The following FAM222B variants were observed in gnomAD, a reference collection of about 807,000 sequenced individuals.
FAM222B encodes the protein family with sequence similarity 222 member B, also known as protein FAM222B.
A neutral mutation model predicts 38.0 loss-of-function variants in FAM222B; 12 were observed. The ratio of observed to expected loss-of-function variants is 0.32; its 90% confidence interval spans 0.20 to 0.51. FAM222B has a LOEUF of 0.51. Ranked by LOEUF, FAM222B falls within the 20% of genes least tolerant of loss-of-function variation. FAM222B has a pLI of 0.97. For synonymous variants in FAM222B, 329 were observed against 317.2 expected (o/e 1.04, Z -0.40); for missense variants, 716 against 754.2 (o/e 0.95, Z 0.59).
At chr17:28,809,273 C>G (rs1428448519) in intron 1 of FAM222B, among the ~76,000 whole-genome samples, 1 of 151,650 alleles carries the variant, frequency 6.6e-6, no homozygotes, top group African/African-American at 2.4e-5. Flanking sequence ...ACTGCTTGAA[C>G]CTGGGAAGCA....
intron 1 of FAM222B, among the ~76,000 whole-genome samples, chr17:28,803,136 G>A (rs2037318169): frequency 6.6e-6 from 1 of 151,936 alleles, no homozygotes; most frequent in Non-Finnish European, 1.5e-5. Flanking sequence ...AGCCTCCTGA[G>A]TAACTGGGAT....
intron 1 of FAM222B, among the ~76,000 whole-genome samples, chr17:28,835,861 G>C (rs1361083951): frequency 6.6e-6 from 1 of 151,866 alleles, no homozygotes; most frequent in Non-Finnish European, 1.5e-5. Context: ...TTTTTGTAAA[G>C]AGAGGGTTTC....
chr17:28,792,617 C>T (rs1369846951), intron 1 of FAM222B, among the ~76,000 whole-genome samples: 2 of 150,898 alleles, frequency 1.3e-5, no homozygotes, highest in Non-Finnish European at 3.0e-5. Flanking sequence ...CCCATCTCTA[C>T]GAAAAATACA....
chr17:28,759,785 A>C lies in FAM222B; in HGVS notation c.174T>G (p.Thr58=), dbSNP rs377055691. The C allele has an allele frequency of 6.2e-7, 1 of 1,612,350 alleles. No individual in the cohort carries two copies. The highest frequency in any genetic ancestry group is 1.3e-5 in the African/African-American group (1 of 74,872). The part of the protein sequence containing the change: ...YAKKVANNPL[T]IKIFPNSVKV... Reference sequence around the variant, plus strand: ...TCACACTGTTGGGGAAGATTTTTATAGTCAGTGGGTTGTTTGCGACCTTCT... The same window carrying C: ...TCACACTGTTGGGGAAGATTTTTATCGTCAGTGGGTTGTTTGCGACCTTCT... Residue 58 remains threonine (T), a synonymous_variant, in exon 3 of 3, where the codon ACT becomes ACG. Coordinates refer to ENST00000581407, the MANE Select transcript of FAM222B (RefSeq NM_001077498.3). The surrounding 1 kb of genome is among the most constrained non-coding windows in gnomAD (Gnocchi z 4.8).
chr17:28,811,436 C>T (rs1457809609), intron 1 of FAM222B, among the ~76,000 whole-genome samples: 1 of 151,990 alleles, frequency 6.6e-6, no homozygotes, highest in Non-Finnish European at 1.5e-5. Flanking sequence ...CGAGACTCGT[C>T]TCAAAAAACA....
intron 1 of FAM222B, among the ~76,000 whole-genome samples, chr17:28,768,588 G>A (rs2035452129): frequency 6.6e-6 from 1 of 152,010 alleles, no homozygotes; most frequent in South Asian, 2.1e-4. Flanking sequence ...TGTAATCCCA[G>A]CACTTTGGGA....
Position 28,805,957 on chromosome 17 carries a change from C to T in FAM222B, c.-41+36725G>A, listed in dbSNP as rs565937625. On this transcript the variant is annotated intron_variant, in intron 1 of 2. Coordinates refer to ENST00000581407, the MANE Select transcript of FAM222B (RefSeq NM_001077498.3). The stretch of plus-strand genomic sequence containing the variant: ...GGGAGTTCGAGACCAGCCTGACCAA[C>T]ATGGAGAAACCCCATCTCTACTAAA... 3.5e-3 allele frequency among the ~76,000 whole-genome samples: 538 copies of T among 152,220 alleles called. 2 individuals carry two copies. Among genetic ancestry groups the T allele is most frequent in the South Asian group, 7.3e-3 (35 of 4,818 alleles).
chr17:28,807,416 C>T (rs1167667282), intron 1 of FAM222B, among the ~76,000 whole-genome samples: 4 of 150,962 alleles, frequency 2.6e-5, no homozygotes, highest in African/African-American at 9.8e-5. Flanking sequence ...TGTGGAGTCT[C>T]ACTCTGTCAC....
chr17:28,829,193 C>G (rs1426076646), intron 1 of FAM222B, among the ~76,000 whole-genome samples: 4 of 141,974 alleles, frequency 2.8e-5, no homozygotes, highest in Admixed American at 1.4e-4. Flanking sequence ...CGTGAGCCAT[C>G]ACGCTTGGCC....
chr17:28,756,954 A>G lies in FAM222B; in HGVS notation c.*1316T>C, dbSNP rs1272324787. 6.6e-6 allele frequency: 1 copy of G among 152,434 alleles called. No individual in the cohort carries two copies. Among genetic ancestry groups the G allele is most frequent in the African/African-American group, 2.4e-5 (1 of 41,470 alleles). 9.4% of individuals were successfully genotyped at this position (152,434 alleles called of 1,614,324 possible). Reference sequence around the variant, plus strand: ...CATCTGTAAAAAATAAAAAAGCCCAATTCTGCATCTTTAACAGAATGGTGC... The same window carrying G: ...CATCTGTAAAAAATAAAAAAGCCCAGTTCTGCATCTTTAACAGAATGGTGC... On this transcript the variant is annotated 3_prime_UTR_variant, in exon 3 of 3. Coordinates refer to ENST00000581407, the MANE Select transcript of FAM222B (RefSeq NM_001077498.3).
chr17:28,842,311 TCC>T (rs2039069497), intron 1 of FAM222B, among the ~76,000 whole-genome samples: 1 of 152,010 alleles, frequency 6.6e-6, no homozygotes, highest in Non-Finnish European at 1.5e-5. Context: ...GACCGACCCT[TCC>T]CCTGCCTGGT....
intron 1 of FAM222B, among the ~76,000 whole-genome samples, chr17:28,800,321 A>G (rs1233775288): frequency 1.3e-5 from 2 of 152,120 alleles, no homozygotes; most frequent in Non-Finnish European, 2.9e-5. Context: ...GAGCCACCGC[A>G]CCCGGCCTAT....
chr17:28,784,181 A>C (rs2036289173), intron 1 of FAM222B, among the ~76,000 whole-genome samples: 1 of 151,516 alleles, frequency 6.6e-6, no homozygotes, highest in African/African-American at 2.4e-5. Flanking sequence ...CATTATTTAC[A>C]TGTTGGCTCT....
At chr17:28,794,994 G>A (rs568152538) in intron 1 of FAM222B, among the ~76,000 whole-genome samples, 30 of 151,986 alleles carry the variant, frequency 2.0e-4, no homozygotes, top group Non-Finnish European at 3.2e-4. Context: ...TTGGGAGGCT[G>A]AGGCAGGAGA....
intron 1 of FAM222B, among the ~76,000 whole-genome samples, chr17:28,854,074 G>T (rs1443350992): frequency 6.6e-6 from 1 of 151,556 alleles, no homozygotes; most frequent in East Asian, 1.9e-4. Context: ...CTCCTGAGTA[G>T]CTGGGACTAC....
At chr17:28,828,178 T>A (rs1291361290) in intron 1 of FAM222B, among the ~76,000 whole-genome samples, 1 of 135,312 alleles carries the variant, frequency 7.4e-6, no homozygotes, top group Non-Finnish European at 1.5e-5. Context: ...TGGTGCGATC[T>A]CGGCTCACAG....
chr17:28,774,401 G>A lies in FAM222B; in HGVS notation c.-40-7694C>T, dbSNP rs79940456. On this transcript the variant is annotated intron_variant, in intron 1 of 2. Coordinates refer to ENST00000581407, the MANE Select transcript of FAM222B (RefSeq NM_001077498.3). ...TGGCAGAGCCTCTCTGTGAGCTTTAGCTAGTTTTCCTAACGCCAGCTGGTA... is the reference window on the plus strand; with the variant it reads ...TGGCAGAGCCTCTCTGTGAGCTTTAACTAGTTTTCCTAACGCCAGCTGGTA... Among the ~76,000 whole-genome samples, 17 of 152,224 alleles carry A rather than the reference G, an allele frequency of 1.1e-4. No homozygotes were observed. The East Asian group carries it at 2.7e-3, about 24-fold the overall frequency.
chr17:28,790,671 T>C (rs981288907), intron 1 of FAM222B, among the ~76,000 whole-genome samples: 2 of 152,034 alleles, frequency 1.3e-5, no homozygotes, highest in African/African-American at 4.8e-5. Context: ...TTGAAGAGGA[T>C]CTGATAATTA....
rs2034826063 is a variant in FAM222B, at chr17:28,758,420, T to C, written c.1539A>G (p.Thr513=). 3 of 1,613,866 alleles carry C rather than the reference T, an allele frequency of 1.9e-6. No individual in the cohort carries two copies. The highest frequency in any genetic ancestry group is 1.7e-6 in the Non-Finnish European group (2 of 1,179,860). The change falls in exon 3 of 3, where the codon ACA becomes ACG. Residue 513 remains threonine, a synonymous_variant. Coordinates refer to ENST00000581407, the MANE Select transcript of FAM222B (RefSeq NM_001077498.3). ...PVASQNSLMQ[T]VDYLSGDFQQ... The stretch of plus-strand genomic sequence containing the variant: ...GGAAATCCCCACTTAGGTAATCCAC[T>C]GTTTGCATCAAGCTGTTCTGGCTTG...
Sources: gnomAD v4.1 joint callset for allele counts (sites outside exome capture counted in the v4.1 genomes callset) on GRCh38, gnomAD v4.1.1 for gene constraint, Gnocchi (gnomAD v3.1) non-coding constraint, MANE v1.5 for transcripts, NCBI Gene and HGNC (gene_info 2026-07-23, HGNC 2026-07-21) for gene names.